The following ZNF469 variants were observed in gnomAD, a reference collection of about 807,000 sequenced individuals.
ZNF469 encodes the protein zinc finger protein 469.
A neutral mutation model predicts 1.0 loss-of-function variants in ZNF469; 1 was observed. That is an observed-to-expected ratio of 1.00 (90% confidence interval 0.35 to 4.73). The LOEUF (loss-of-function observed/expected upper bound fraction) is 4.73, where lower values mean the gene tolerates loss of function less well. Ranked by LOEUF, ZNF469 falls within the 30% of genes most tolerant of loss-of-function variation. The probability of loss-of-function intolerance (pLI) is 0.16; values close to 1 mark genes in which losing one functional copy is unlikely to be tolerated. For synonymous variants in ZNF469, 2,703 were observed against 2,363.4 expected (o/e 1.14, Z -4.17); for missense variants, 6,100 against 5,356.3 (o/e 1.14, Z -4.33).
At chr16:88,343,397 C>T in the ZNF469 span, among the ~76,000 whole-genome samples, 6 of 152,294 alleles carry the variant, frequency 3.9e-5, no homozygotes, top group Admixed American at 1.3e-4. Context: ...TGTACATAGA[C>T]GCTTGCCCAG....
the ZNF469 span, among the ~76,000 whole-genome samples, chr16:88,203,352 G>A: frequency 2.0e-5 from 3 of 152,298 alleles, no homozygotes; most frequent in East Asian, 3.9e-4. Context: ...CCCCACCACC[G>A]TCAGCGAGTC....
chr16:88,415,325 G>A (rs1364219095), intron 1 of ZNF469, among the ~76,000 whole-genome samples: 1 of 152,118 alleles, frequency 6.6e-6, no homozygotes, highest in Non-Finnish European at 1.5e-5. Context: ...ACTGCCCAAG[G>A]CTCACCACCC....
At chr16:88,126,723 G>A in the ZNF469 span, among the ~76,000 whole-genome samples, 3 of 151,752 alleles carry the variant, frequency 2.0e-5, no homozygotes, top group Non-Finnish European at 1.5e-5. Context: ...GCTCGATCTC[G>A]GCTCACTGCA....
chr16:88,377,774 G>A, the ZNF469 span, among the ~76,000 whole-genome samples: 15 of 152,116 alleles, frequency 9.9e-5, no homozygotes, highest in African/African-American at 2.2e-4. Flanking sequence ...TCCTCAGGGC[G>A]CGGACCACGC....
chr16:88,321,692 C>G, the ZNF469 span, among the ~76,000 whole-genome samples: 1 of 152,130 alleles, frequency 6.6e-6, no homozygotes, highest in Non-Finnish European at 1.5e-5. Flanking sequence ...TTGGTGTGGC[C>G]TCAGATTCTG....
chr16:88,435,318 C>G lies in ZNF469; in HGVS notation c.7848C>G (p.Arg2616=), dbSNP rs1906492010. Reference sequence around the variant, plus strand: ...AAAAAAGAGAAGGCCGGAGGTGGCGCCGAGAGCCCACCGTGGACTCTCCTA... The same window carrying G: ...AAAAAAGAGAAGGCCGGAGGTGGCGGCGAGAGCCCACCGTGGACTCTCCTA... ...QAEKREGRRW[R]REPTVDSPSH... Residue 2616 remains arginine, a synonymous_variant, in exon 3 of 3, where the codon CGC becomes CGG. Transcript: ENST00000565624. The G allele has an allele frequency of 2.6e-6, 4 of 1,550,214 alleles. No individual in the cohort carries two copies. Among genetic ancestry groups the G allele is most frequent in the Admixed American group, 2.0e-5 (1 of 50,990 alleles).
At chr16:88,322,202 G>A in the ZNF469 span, among the ~76,000 whole-genome samples, 25 of 152,328 alleles carry the variant, frequency 1.6e-4, no homozygotes, top group East Asian at 4.2e-3. Flanking sequence ...AGAGCCCAGC[G>A]TGTCAGAGCC....
Position 88,431,380 on chromosome 16 carries a change from G to A in ZNF469, c.3910G>A (p.Gly1304Ser). ...GCCAGGTGTGGGCAGCCTGCTGGGT[G>A]GTCCTGGGGGCACACAGGCCCCAGT... is the stretch of plus-strand genomic sequence containing the variant. ...PTPGVGSLLGGPGGTQAPVSH... is the reference protein window; with the variant it reads ...PTPGVGSLLGSPGGTQAPVSH... The change falls in exon 3 of 3, where the codon GGT (glycine) becomes AGT (serine). Residue 1304 changes from glycine to serine, a missense_variant. Gly to Ser is a moderately conservative substitution (Grantham distance 56). Coordinates refer to ENST00000565624, the MANE Select transcript of ZNF469 (RefSeq NM_001367624.2). 2 of 1,550,052 alleles carry A rather than the reference G, an allele frequency of 1.3e-6. No homozygotes were observed. Among genetic ancestry groups the A allele is most frequent in the East Asian group, 2.4e-5 (1 of 40,918 alleles).
At chr16:88,148,853 A>G in the ZNF469 span, among the ~76,000 whole-genome samples, 1 of 152,132 alleles carries the variant, frequency 6.6e-6, no homozygotes, top group Non-Finnish European at 1.5e-5. Flanking sequence ...TTGTGTGGCC[A>G]TGACCTCTTG....
At chr16:88,287,211 G>A in the ZNF469 span, among the ~76,000 whole-genome samples, 1 of 152,200 alleles carries the variant, frequency 6.6e-6, no homozygotes, top group Non-Finnish European at 1.5e-5. Context: ...CCTCACTGCT[G>A]TATAATACAC....
the ZNF469 span, among the ~76,000 whole-genome samples, chr16:88,105,670 A>C: frequency 3.9e-5 from 6 of 152,230 alleles, no homozygotes; most frequent in East Asian, 5.8e-4. Context: ...AGGATTAGCA[A>C]ATAAGCATAA....
At chr16:88,184,366 T>A in the ZNF469 span, among the ~76,000 whole-genome samples, 190 of 152,048 alleles carry the variant, frequency 1.2e-3, no homozygotes, top group African/African-American at 4.4e-3. Flanking sequence ...GAGGGCGCCG[T>A]GATTAAACGT....
In ZNF469 at chr16:88,435,900, G is replaced by T. The variant is rs574024256; in HGVS notation, c.8430G>T (p.Ala2810=). 9 of 1,550,100 alleles carry T rather than the reference G, an allele frequency of 5.8e-6. No homozygotes were observed. In the South Asian group the frequency reaches 1.1e-4, roughly 18 times the overall value. Residue 2810 remains alanine (A), a synonymous_variant, in exon 3 of 3, where the codon GCG becomes GCT. Coordinates refer to ENST00000565624, the MANE Select transcript of ZNF469 (RefSeq NM_001367624.2). The part of the protein sequence containing the change: ...LGFPETSSSP[A]DSTTSSCLQG... Reference sequence around the variant, plus strand: ...TTCCCGAGACTTCCAGCTCTCCGGCGGACAGCACCACCAGCAGCTGCCTCC... The same window carrying T: ...TTCCCGAGACTTCCAGCTCTCCGGCTGACAGCACCACCAGCAGCTGCCTCC...
the ZNF469 span, among the ~76,000 whole-genome samples, chr16:88,111,631 TG>T: frequency 6.6e-6 from 1 of 152,256 alleles, no homozygotes; most frequent in Non-Finnish European, 1.5e-5. Flanking sequence ...GACGTGTTTT[TG>T]TTTGTTTTGT....
At chr16:88,154,814 G>C in the ZNF469 span, among the ~76,000 whole-genome samples, 1 of 152,344 alleles carries the variant, frequency 6.6e-6, no homozygotes, top group South Asian at 2.1e-4. Flanking sequence ...GATGTGCACA[G>C]GAGTGGCACG....
chr16:88,261,779 G>T, the ZNF469 span, among the ~76,000 whole-genome samples: 1 of 152,176 alleles, frequency 6.6e-6, no homozygotes, highest in Non-Finnish European at 1.5e-5. This position sits in a 1 kb window ranked among gnomAD's most constrained non-coding sequence, Gnocchi z 6.0. Context: ...GTGGCTGTGG[G>T]GAGAGGCAGG....
the ZNF469 span, among the ~76,000 whole-genome samples, chr16:88,301,890 C>T: frequency 6.6e-6 from 1 of 152,230 alleles, no homozygotes; most frequent in Non-Finnish European, 1.5e-5. Context: ...ATCAGGGTGA[C>T]AGTCCTGATG....
intron 1 of ZNF469, among the ~76,000 whole-genome samples, chr16:88,392,283 G>A (rs1039880985): frequency 6.6e-6 from 1 of 152,226 alleles, no homozygotes; most frequent in Admixed American, 6.5e-5. Flanking sequence ...ACGTATGCCC[G>A]CAGCTGCTGC....
At position 88,431,544 on chromosome 16, in the gene ZNF469, T is replaced by C. The variant is rs1375845509; in HGVS notation, c.4074T>C (p.Gly1358=). The C allele has an allele frequency of 1.3e-6, 2 of 1,550,406 alleles. No individual in the cohort carries two copies. Among genetic ancestry groups the C allele is most frequent in the Non-Finnish European group, 1.7e-6 (2 of 1,146,978 alleles). The change falls in exon 3 of 3, where the codon GGT becomes GGC. Residue 1358 remains glycine (G), a synonymous_variant. Transcript: ENST00000565624. The stretch of plus-strand genomic sequence containing the variant: ...CCAGTTTTGGCTGTGACCCTGCTGG[T>C]TTTAACAGAGACCCCTTGGGGGTTC... ...KISSFGCDPA[G]FNRDPLGVPV...
Sources: allele counts gnomAD v4.1 joint callset (sites outside exome capture counted in the v4.1 genomes callset), GRCh38; gene constraint gnomAD v4.1.1; non-coding constraint Gnocchi (gnomAD v3.1); transcripts MANE v1.5; gene names NCBI Gene and HGNC (gene_info 2026-07-23, HGNC 2026-07-21).